The following MAP3K11 variants were observed in gnomAD, a reference collection of about 807,000 sequenced individuals.
MAP3K11 encodes the protein mitogen-activated protein kinase kinase kinase 11, also known as SH3 domain-containing proline-rich kinase.
MAP3K11 carries 46 observed loss-of-function variants against 84.9 expected under a neutral mutation model. That is an observed-to-expected ratio of 0.54 (90% confidence interval 0.43 to 0.69). The LOEUF (loss-of-function observed/expected upper bound fraction) is 0.69. MAP3K11 is among the 30% of genes least tolerant of loss of function. MAP3K11 has a pLI of 0.00. For missense variants in MAP3K11, 1,053 were observed against 1,198.3 expected, an observed-to-expected ratio of 0.88 and a Z score of 1.79; for synonymous variants, 527 against 514.7, an observed-to-expected ratio of 1.02 and a Z score of -0.32.
Position 65,613,478 on chromosome 11 carries a change from GCCCACCTGGCCA to G in MAP3K11, c.267_278del (p.Gly90_Gly93del), listed in dbSNP as rs772163782. On this transcript the variant is annotated inframe_deletion, in exon 1 of 10. Transcript: ENST00000309100. ...GAGACACATAGTTGGACGGGAAGAT[GCCCACCTGGCCA>G]CCCACCTGGCCCGCCCACCAGCCCT... is the stretch of plus-strand genomic sequence containing the variant. 14 of 1,611,878 alleles carry G rather than the reference GCCCACCTGGCCA, an allele frequency of 8.7e-6. No individual in the cohort carries two copies. The highest frequency in any genetic ancestry group is 4.4e-5 in the South Asian group (4 of 91,014).
rs775959086 is a variant in MAP3K11, at chr11:65,599,519, G to A, written c.2081C>T (p.Pro694Leu). The change falls in exon 9 of 10, where the codon CCG (proline) becomes CTG (leucine). Residue 694 changes from proline (P) to leucine (L), a missense_variant. Pro to Leu is a moderately conservative substitution (Grantham distance 98). This residue lies in a region of MAP3K11 where 583 missense variants were observed against 566.6 expected (regional missense o/e 1.03). Transcript: ENST00000309100. ...APCPTEPPPSPLICFSLKTPD... is the reference protein window; with the variant it reads ...APCPTEPPPSLLICFSLKTPD... ...CGTCTTGAGCGAGAAGCAGATGAGC[G>A]GGGAAGGGGGCGGCTCGGTCGGGCA... 2.3e-5 allele frequency: 34 copies of A among 1,496,108 alleles called. No individual in the cohort carries two copies. Among genetic ancestry groups the A allele is most frequent in the African/African-American group, 4.4e-5 (3 of 67,442 alleles). The allele number at this position is 1,496,108 out of a possible 1,614,324, so 92.7% of individuals were successfully genotyped here.
rs1854531714 is a variant in MAP3K11, at chr11:65,607,943, G to A, written c.1048C>T (p.Pro350Ser). 6.2e-7 allele frequency: 1 copy of A among 1,614,112 alleles called. No homozygotes were observed. Among genetic ancestry groups the A allele is most frequent in the East Asian group, 2.2e-5 (1 of 44,866 alleles). The change falls in exon 3 of 10, where the codon CCC (proline) becomes TCC (serine). Residue 350 changes from proline (P) to serine (S), a missense_variant. This residue lies in a region of MAP3K11 where 310 missense variants were observed against 464.5 expected (regional missense o/e 0.67). Coordinates refer to ENST00000309100, the MANE Select transcript of MAP3K11 (RefSeq NM_002419.4). ...TLPIPSTCPE[P>S]FAQLMADCWA... ...TTACCGGCCATAAGCTGTGCGAAGG[G>A]CTCGGGGCAGGTGGATGGGATGGGC... is the stretch of plus-strand genomic sequence containing the variant.
At chr11:65,610,291 C>A (rs1035605054) in intron 1 of MAP3K11, 1 of 152,282 alleles carries the variant, frequency 6.6e-6, no homozygotes, top group Non-Finnish European at 1.5e-5. Flanking sequence ...CTGAGCCAGA[C>A]CTTGGAGCTG....
rs1308772645 is a variant in MAP3K11 at position 65,606,050 on chromosome 11, G to A, written c.1635C>T (p.Gly545=). The A allele has an allele frequency of 3.1e-6, 5 of 1,588,114 alleles. No homozygotes were observed. Among genetic ancestry groups the A allele is most frequent in the Non-Finnish European group, 4.3e-6 (5 of 1,168,722 alleles). The change falls in exon 7 of 10, where the codon GGC becomes GGT. Residue 545 remains glycine, a synonymous_variant. Coordinates refer to ENST00000309100, the MANE Select transcript of MAP3K11 (RefSeq NM_002419.4). ...LEPAEPGQAW[G]RQSPRRLEDS... ...CCTCCAGACGTCGGGGGGACTGGCG[G>A]CCCCATGCCTGGCCTGGCTCTGCAG... is the stretch of plus-strand genomic sequence containing the variant.
Position 65,613,444 on chromosome 11 carries a change from C to T in MAP3K11, c.313G>A (p.Gly105Ser), listed in dbSNP as rs776563704. 6 of 1,612,258 alleles carry T rather than the reference C, an allele frequency of 3.7e-6. No homozygotes were observed. Among genetic ancestry groups the T allele is most frequent in the Admixed American group, 3.3e-5 (2 of 60,004 alleles). ...CTGGCCACCTCGCAGGGGGGCGGGC[C>T]GCCACCCCGAGACACATAGTTGGAC... ...FPSNYVSRGG[G>S]PPPCEVASFQ... The change falls in exon 1 of 10, where the codon GGC (glycine) becomes AGC (serine). Residue 105 changes from glycine (G) to serine (S), a missense_variant. Coordinates refer to ENST00000309100, the MANE Select transcript of MAP3K11 (RefSeq NM_002419.4).
At chr11:65,599,826 CCAAGA>C in intron 8 of MAP3K11, 58 bp from the exon 9 acceptor site, 1 of 1,553,422 alleles carries the variant, frequency 6.4e-7, no homozygotes, top group Non-Finnish European at 8.7e-7. Flanking sequence ...GGGTGAGGGC[CCAAGA>C]CCTCTCCGTG....
Position 65,613,539 on chromosome 11 carries a change from C to A in MAP3K11, c.218G>T (p.Arg73Leu), listed in dbSNP as rs138254027. The part of the protein sequence containing the change: ...RKGDRVEVLS[R>L]DAAISGDEGW... ...CTCGTCTCCTGAGATGGCTGCGTCC[C>A]GGGACAGCACCTCCACACGGTCACC... The change falls in exon 1 of 10, where the codon CGG becomes CTG. Residue 73 changes from arginine (R) to leucine (L), a missense_variant. Physicochemically the swap from Arg to Leu is moderately radical, Grantham distance 102. Transcript: ENST00000309100. 2 of 1,610,690 alleles carry A rather than the reference C, an allele frequency of 1.2e-6. No homozygotes were observed. The highest frequency in any genetic ancestry group is 1.7e-6 in the Non-Finnish European group (2 of 1,178,240).
In MAP3K11 at chr11:65,607,737, G is replaced by T; in HGVS notation, c.1149C>A (p.Val383=). ...AGGAGTCCCGCGGCATTTCCCGTAG[G>T]ACCTGTGCCTCCAGCGCCTCCAACT... ...LQQLEALEAQ[V]LREMPRDSFH... is the part of the protein sequence containing the mutation. Residue 383 remains valine, a synonymous_variant, in exon 4 of 10, where the codon GTC becomes GTA. Coordinates refer to ENST00000309100, the MANE Select transcript of MAP3K11 (RefSeq NM_002419.4). 6.2e-7 allele frequency: 1 copy of T among 1,613,830 alleles called. No individual in the cohort carries two copies. The highest frequency in any genetic ancestry group is 1.1e-5 in the South Asian group (1 of 91,086).
rs1854624815 is a variant in MAP3K11, at chr11:65,614,120, C to CTCCGGTTGGGTCTT, written c.-378_-365dup. ...GGGGCCTTCAGGGGCAGCGCCTCAACTCCGGTTGGGTCTTTTTGCGCAGGG... is the reference window on the plus strand; with the variant it reads ...GGGGCCTTCAGGGGCAGCGCCTCAACTCCGGTTGGGTCTTTCCGGTTGGGTCTTTTTGCGCAGGG... On this transcript the variant is annotated 5_prime_UTR_variant, in exon 1 of 10. Coordinates refer to ENST00000309100, the MANE Select transcript of MAP3K11 (RefSeq NM_002419.4). The CTCCGGTTGGGTCTT allele has an allele frequency of 4.5e-6, 1 of 222,678 alleles. No homozygotes were observed. Among genetic ancestry groups the CTCCGGTTGGGTCTT allele is most frequent in the African/African-American group, 2.3e-5 (1 of 43,816 alleles). 13.8% of individuals were successfully genotyped at this position (222,678 alleles called of 1,614,324 possible).
In MAP3K11 at chr11:65,613,588, G is replaced by A. The variant is rs773418840; in HGVS notation, c.169C>T (p.Gln57Ter). The change falls in exon 1 of 10, where the codon CAG (glutamine) becomes TAG (stop). Residue 57 changes from glutamine to a stop codon, truncating the protein, a stop_gained. Coordinates refer to ENST00000309100, the MANE Select transcript of MAP3K11 (RefSeq NM_002419.4). LOFTEE classifies it high-confidence loss of function. ...TALFDYEPSG[Q>*]DELALRKGDR... ...CCCTTCCTCAGGGCCAGCTCATCCT[G>A]CCCACTGGGCTCGTAGTCGAACAGG... 2 of 1,613,072 alleles carry A rather than the reference G, an allele frequency of 1.2e-6. No individual in the cohort carries two copies.
intron 6 of MAP3K11, 123 bp downstream of exon 6, chr11:65,606,568 G>A: frequency 1.5e-6 from 1 of 678,670 alleles, no homozygotes; most frequent in Non-Finnish European, 2.5e-6. Flanking sequence ...TAGACCTAAG[G>A]CAGGGAGCCT....
intron 6 of MAP3K11, chr11:65,606,438 G>C (rs1008692983): frequency 5.7e-5 from 24 of 423,046 alleles, no homozygotes; most frequent in South Asian, 1.4e-4. Context: ...TAGAATTATT[G>C]CAAGAAATTA....
At chr11:65,603,345 T>C (rs1167316002) in intron 8 of MAP3K11, among the ~76,000 whole-genome samples, 3 of 152,250 alleles carry the variant, frequency 2.0e-5, no homozygotes, top group South Asian at 4.1e-4. Flanking sequence ...CAAAGATAGA[T>C]AGATAGAGGC....
At position 65,614,024 on chromosome 11, in the gene MAP3K11, A is replaced by T. The variant is rs1364667382; in HGVS notation, c.-268T>A. 1 of 482,166 alleles carries T rather than the reference A, an allele frequency of 2.1e-6. No homozygotes were observed. The highest frequency in any genetic ancestry group is 3.7e-6 in the Non-Finnish European group (1 of 270,332). 29.9% of individuals were successfully genotyped at this position (482,166 alleles called of 1,614,324 possible). A position where few individuals can be genotyped will look rare whatever the true frequency, so the allele number is the denominator to read the frequency against. On this transcript the variant is annotated 5_prime_UTR_variant, in exon 1 of 10. Transcript: ENST00000309100. ...CGGCGCCTCACCATGGCTAGCTTGG[A>T]GGGACCCGAGCTTCCCTCGGTTCTG...
chr11:65,599,340 C>G (rs1854421735), intron 9 of MAP3K11, 54 bp downstream of exon 9: 3 of 1,487,568 alleles, frequency 2.0e-6, no homozygotes, highest in Non-Finnish European at 2.7e-6. Flanking sequence ...ACTCCTCCCT[C>G]CCTGGGAACC....
intron 8 of MAP3K11, among the ~76,000 whole-genome samples, chr11:65,605,329 G>A (rs1854495390): frequency 6.6e-6 from 1 of 152,218 alleles, no homozygotes; most frequent in African/African-American, 2.4e-5. Flanking sequence ...GCTCTGAGAA[G>A]CACAGTGTGG....
At chr11:65,611,041 C>T (rs538301615) in intron 1 of MAP3K11, 1 of 152,492 alleles carries the variant, frequency 6.6e-6, no homozygotes, top group Admixed American at 6.5e-5. Context: ...GGGAAGCTCT[C>T]AGTGCCCCTT....
chr11:65,606,392 A>G (rs1157651524), intron 6 of MAP3K11: 19 of 425,544 alleles, frequency 4.5e-5, no homozygotes, highest in Non-Finnish European at 4.5e-5. Context: ...TTTCTCATCC[A>G]TAAAACTTAA....
At chr11:65,608,241 C>G (rs1034487186) in intron 2 of MAP3K11, 27 bp downstream of exon 2, 5 of 1,607,090 alleles carry the variant, frequency 3.1e-6, no homozygotes, top group Non-Finnish European at 4.3e-6. Flanking sequence ...CCCGTAGCAG[C>G]CCGTCCAGCC....
Sources: allele counts gnomAD v4.1 joint callset (sites outside exome capture counted in the v4.1 genomes callset), GRCh38; gene constraint gnomAD v4.1.1; regional missense constraint gnomAD v4.1.1; transcripts MANE v1.5; gene names NCBI Gene and HGNC (gene_info 2026-07-23, HGNC 2026-07-21).